The following LARP7 variants were observed in gnomAD, a reference collection of about 807,000 sequenced individuals.
The protein encoded by LARP7 is la-related protein 7.
LARP7 carries 52 observed loss-of-function variants against 69.3 expected under a neutral mutation model. The observed-to-expected ratio is 0.75, with a 90% CI of 0.60 to 0.95. The LOEUF (loss-of-function observed/expected upper bound fraction) is 0.95, where lower values mean the gene tolerates loss of function less well. Ranked by LOEUF, LARP7 falls within the 40% of genes least tolerant of loss-of-function variation. The pLI is 0.00. For synonymous variants in LARP7, 254 were observed against 215.9 expected, an observed-to-expected ratio of 1.18 and a Z score of -1.55; for missense variants, 733 against 673.0, an observed-to-expected ratio of 1.09 and a Z score of -0.99.
In LARP7 at chr4:112,644,614, A is replaced by C. The variant is rs1324973078; in HGVS notation, c.-2-54A>C. 6.8e-6 allele frequency: 9 copies of C among 1,329,018 alleles called. No homozygotes were observed. In the East Asian group the frequency reaches 1.5e-4, roughly 22 times the overall value. 82.3% of individuals were successfully genotyped at this position (1,329,018 alleles called of 1,614,324 possible). ...TAAAGGCTAATCTAAATATTTAACTATATTAGCTATTGTGGTGATTTAAAT... is the reference window on the plus strand; with the variant it reads ...TAAAGGCTAATCTAAATATTTAACTCTATTAGCTATTGTGGTGATTTAAAT... On this transcript the variant is annotated intron_variant, in intron 1 of 12. Coordinates refer to ENST00000344442, the MANE Select transcript of LARP7 (RefSeq NM_016648.4).
At chr4:112,646,510 A>T in intron 3 of LARP7, 59 bp downstream of exon 3, 1 of 1,271,492 alleles carries the variant, frequency 7.9e-7, no homozygotes, top group Non-Finnish European at 1.1e-6. Flanking sequence ...AAGAATGTTA[A>T]CGTAATGATT....
At chr4:112,641,317 G>C (rs2047951802) in intron 1 of LARP7, among the ~76,000 whole-genome samples, 1 of 151,722 alleles carries the variant, frequency 6.6e-6, no homozygotes, top group Non-Finnish European at 1.5e-5. Flanking sequence ...TGAACCCAGA[G>C]GGGGAGGTTG....
At chr4:112,639,156 G>A (rs1265677813) in intron 1 of LARP7, among the ~76,000 whole-genome samples, 1 of 151,668 alleles carries the variant, frequency 6.6e-6, no homozygotes, top group African/African-American at 2.4e-5. Flanking sequence ...TAAAGTTACT[G>A]GTATTGTTAC....
chr4:112,638,470 T>C (rs2047802217), intron 1 of LARP7, among the ~76,000 whole-genome samples: 2 of 152,180 alleles, frequency 1.3e-5, no homozygotes, highest in Non-Finnish European at 2.9e-5. Context: ...ACATGGAAAT[T>C]AGGTTTGTCC....
At chr4:112,645,491 C>CTA in intron 2 of LARP7, 1 of 456,078 alleles carries the variant, frequency 2.2e-6, no homozygotes, top group South Asian at 1.5e-5. Flanking sequence ...GGCATTTCAC[C>CTA]TAGCTCAATG....
chr4:112,653,322 GT>G (rs1331034655), intron 11 of LARP7, 86 bp downstream of exon 11: 34,193 of 841,496 alleles, frequency 0.041, no homozygotes, highest in South Asian at 0.059. Flanking sequence ...AATGAAACTA[GT>G]TTTTTTTTTT....
chr4:112,655,642 A>G (rs2048925016), intron 12 of LARP7: 1 of 152,222 alleles, frequency 6.6e-6, no homozygotes, highest in African/African-American at 2.4e-5. Flanking sequence ...ACCTGGGGTA[A>G]AGCCATGAAT....
Position 112,653,075 on chromosome 4 carries a change from A to G in LARP7, c.1417-2A>G. Reference sequence around the variant, plus strand: ...TTGTCTTTCTACTTAACTCTAATGCAGGATACTTTGGCAGCAATCTCAGAA... The same window carrying G: ...TTGTCTTTCTACTTAACTCTAATGCGGGATACTTTGGCAGCAATCTCAGAA... On this transcript the variant is annotated splice_acceptor_variant, in intron 10 of 12. Coordinates refer to ENST00000344442, the MANE Select transcript of LARP7 (RefSeq NM_016648.4). LOFTEE classifies it high-confidence loss of function. 1.3e-6 allele frequency: 2 copies of G among 1,582,168 alleles called. No homozygotes were observed. Among genetic ancestry groups the G allele is most frequent in the Non-Finnish European group, 1.7e-6 (2 of 1,170,480 alleles).
intron 1 of LARP7, among the ~76,000 whole-genome samples, chr4:112,643,968 C>T (rs756139145): frequency 1.3e-5 from 2 of 151,946 alleles, no homozygotes; most frequent in Non-Finnish European, 2.9e-5. Context: ...AATTGCCAGG[C>T]GCGGCGGCTC....
In LARP7 at chr4:112,646,646, A is replaced by G. The variant is rs1340381514; in HGVS notation, c.362A>G (p.Asp121Gly). The change falls in exon 4 of 13, where the codon GAT (aspartate) becomes GGT (glycine). Residue 121 changes from aspartate (D) to glycine (G), a missense_variant. By Grantham distance (94) the Asp-to-Gly change is moderately conservative. Transcript: ENST00000344442. ...AAACCTCTGGGGGAAAGACCAAAGG[A>G]TGAGGATGAACGCACAGTGTATGTG... The part of the protein sequence containing the change: ...RKKPLGERPK[D>G]EDERTVYVEL... The G allele has an allele frequency of 6.2e-7, 1 of 1,606,446 alleles. No homozygotes were observed. The highest frequency in any genetic ancestry group is 8.5e-7 in the Non-Finnish European group (1 of 1,176,030).
intron 1 of LARP7, among the ~76,000 whole-genome samples, chr4:112,640,664 C>T (rs1033975207): frequency 6.6e-6 from 1 of 152,176 alleles, no homozygotes; most frequent in Non-Finnish European, 1.5e-5. Context: ...TGTGCCACTG[C>T]AGTCCAGGCT....
chr4:112,640,856 T>G, intron 1 of LARP7, among the ~76,000 whole-genome samples: 1 of 152,198 alleles, frequency 6.6e-6, no homozygotes, highest in Non-Finnish European at 1.5e-5. Flanking sequence ...GAAGTGACAT[T>G]TGCAGAGACC....
intron 1 of LARP7, among the ~76,000 whole-genome samples, chr4:112,641,486 T>A (rs1285571139): frequency 6.6e-6 from 1 of 151,510 alleles, no homozygotes; most frequent in African/African-American, 2.4e-5. Context: ...GGAGAATCGA[T>A]TATAAGGGAA....
At position 112,654,073 on chromosome 4, in the gene LARP7, C is replaced by A; in HGVS notation, c.1582C>A (p.His528Asn). 2 of 1,611,822 alleles carry A rather than the reference C, an allele frequency of 1.2e-6. No homozygotes were observed. Among genetic ancestry groups the A allele is most frequent in the Non-Finnish European group, 1.7e-6 (2 of 1,178,218 alleles). Residue 528 changes from histidine to asparagine, a missense_variant, in exon 12 of 13, where the codon CAC becomes AAC. Coordinates refer to ENST00000344442, the MANE Select transcript of LARP7 (RefSeq NM_016648.4). ...AGTCTTTGTTTGTTTTTAAGGTGATCACGAACAAAGGTATTGGCAGAAGAT... is the reference window on the plus strand; with the variant it reads ...AGTCTTTGTTTGTTTTTAAGGTGATAACGAACAAAGGTATTGGCAGAAGAT... ...CWKLEILSGD[H>N]EQRYWQKILV... is the part of the protein sequence containing the mutation.
rs751843581 is a variant in LARP7, at chr4:112,648,588, G to C, written c.1142+754G>C. ...CAACATACAACTTCTTTGGACTTCA[G>C]AGTATTTAGAGCTGAGGAGAAAGAA... On this transcript the variant is annotated intron_variant, in intron 8 of 12. Transcript: ENST00000344442. 40 of 499,262 alleles carry C rather than the reference G, an allele frequency of 8.0e-5. 4 individuals carry two copies. Among genetic ancestry groups the C allele is most frequent in the South Asian group, 5.6e-4 (38 of 68,398 alleles). 30.9% of individuals were successfully genotyped at this position (499,262 alleles called of 1,614,324 possible). A position where few individuals can be genotyped will look rare whatever the true frequency, so the allele number is the denominator to read the frequency against.
chr4:112,644,862 A>G lies in LARP7; in HGVS notation c.193A>G (p.Arg65Gly). The change falls in exon 2 of 13, where the codon AGA becomes GGA. Residue 65 changes from arginine to glycine, a missense_variant. Transcript: ENST00000344442. ...TCTTCGAGAACAGATAGAAAAATCT[A>G]GAGATGGATGTAAGTTTGCTTCAGT... ...RFLREQIEKS[R>G]DGYVDISLLV... 2 of 1,570,554 alleles carry G rather than the reference A, an allele frequency of 1.3e-6. No homozygotes were observed. The highest frequency in any genetic ancestry group is 2.3e-5 in the East Asian group (1 of 43,174).
At chr4:112,641,573 G>C (rs556704337) in intron 1 of LARP7, among the ~76,000 whole-genome samples, 1 of 152,306 alleles carries the variant, frequency 6.6e-6, no homozygotes, top group African/African-American at 2.4e-5. Flanking sequence ...TGGACCAGGT[G>C]CTTATGATGG....
In LARP7 at chr4:112,646,598, A is replaced by G; in HGVS notation, c.314A>G (p.Glu105Gly). The change falls in exon 4 of 13, where the codon GAA becomes GGA. Residue 105 changes from glutamate to glycine, a missense_variant. Coordinates refer to ENST00000344442, the MANE Select transcript of LARP7 (RefSeq NM_016648.4). ...RSSAVVELDLEGTRIRRKKPL... is the reference protein window; with the variant it reads ...RSSAVVELDLGGTRIRRKKPL... ...TATACTATTTTAAAGCTTGATTTGG[A>G]AGGCACCAGAATCCGGAGGAAAAAA... 6.3e-7 allele frequency: 1 copy of G among 1,587,670 alleles called. No homozygotes were observed. The highest frequency in any genetic ancestry group is 8.6e-7 in the Non-Finnish European group (1 of 1,164,896).
At chr4:112,652,191 C>A (rs1308596242) in intron 10 of LARP7, among the ~76,000 whole-genome samples, 1 of 151,120 alleles carries the variant, frequency 6.6e-6, no homozygotes, top group Non-Finnish European at 1.5e-5. Context: ...TCAGTTCTTT[C>A]CGTAATTCAA....
Sources: allele counts gnomAD v4.1 joint callset (sites outside exome capture counted in the v4.1 genomes callset), GRCh38; gene constraint gnomAD v4.1.1; transcripts MANE v1.5; gene names NCBI Gene and HGNC (gene_info 2026-07-23, HGNC 2026-07-21).